The following PTPRD variants were observed in gnomAD, a reference collection of about 807,000 sequenced individuals.
The protein encoded by PTPRD is protein tyrosine phosphatase receptor type D.
Under a neutral mutation model 214.5 loss-of-function variants are expected in PTPRD, and 34 were observed. The ratio of observed to expected loss-of-function variants is 0.16; its 90% confidence interval spans 0.12 to 0.21. PTPRD has a LOEUF of 0.21. PTPRD is among the 10% of genes least tolerant of loss of function. The pLI is 1.00. For synonymous variants in PTPRD, 1,128 were observed against 845.7 expected (o/e 1.33, Z -5.79); for missense variants, 2,545 against 2,398.7 (o/e 1.06, Z -1.27).
At chr9:9,164,691 A>C (rs896675007) in intron 10 of PTPRD, among the ~76,000 whole-genome samples, 1 of 152,106 alleles carries the variant, frequency 6.6e-6, no homozygotes, top group African/African-American at 2.4e-5. Context: ...GAAGAAATAC[A>C]AAGTCCTAGA....
At chr9:8,943,011 A>G (rs2099042905) in intron 11 of PTPRD, among the ~76,000 whole-genome samples, 1 of 152,190 alleles carries the variant, frequency 6.6e-6, no homozygotes, top group Non-Finnish European at 1.5e-5. Flanking sequence ...AATAATCTGA[A>G]AAAGAAATCA....
chr9:8,641,368 CATTATTTAG>C (rs1043593851), intron 12 of PTPRD, among the ~76,000 whole-genome samples: 22 of 148,286 alleles, frequency 1.5e-4, no homozygotes, highest in Admixed American at 1.1e-3. Flanking sequence ...TTCCAGTCAC[CATTATTTAG>C]AGAGGCATCC....
chr9:10,047,312 CTGTGTGTGTGTGTGTG>C (rs56257525), intron 3 of PTPRD, among the ~76,000 whole-genome samples: 1 of 138,718 alleles, frequency 7.2e-6, no homozygotes, highest in African/African-American at 2.7e-5. Flanking sequence ...AATCAACTAA[CTGTGTGTGTGTGTGTG>C]TGTGTGTGTG....
chr9:8,415,993 C>T (rs2131309209), intron 35 of PTPRD, among the ~76,000 whole-genome samples: 1 of 152,252 alleles, frequency 6.6e-6, no homozygotes, highest in African/African-American at 2.4e-5. Flanking sequence ...CAATTCACCC[C>T]ACTGTGAAGT....
chr9:9,660,549 T>G (rs182243091), intron 7 of PTPRD, among the ~76,000 whole-genome samples: 39 of 152,128 alleles, frequency 2.6e-4, no homozygotes, highest in African/African-American at 9.4e-4. Flanking sequence ...AAAGTAAATA[T>G]GTAACTCTAT....
intron 10 of PTPRD, among the ~76,000 whole-genome samples, chr9:9,131,357 A>G (rs2099842317): frequency 2.0e-5 from 3 of 152,196 alleles, no homozygotes; most frequent in African/African-American, 7.2e-5. Context: ...CTATGACTAG[A>G]AACAATGGAC....
At chr9:9,458,091 G>C (rs989995363) in intron 8 of PTPRD, among the ~76,000 whole-genome samples, 27 of 151,936 alleles carry the variant, frequency 1.8e-4, no homozygotes, top group African/African-American at 6.5e-4. Context: ...ATTTTCTTTA[G>C]AATGTTAAGA....
intron 3 of PTPRD, among the ~76,000 whole-genome samples, chr9:10,326,774 T>C (rs1047152900): frequency 3.3e-5 from 5 of 151,544 alleles, no homozygotes; most frequent in African/African-American, 1.2e-4. Flanking sequence ...TATTTCTAAA[T>C]AGAAAAAGGG....
chr9:8,484,098 C>G (rs1298526706), intron 30 of PTPRD, 21 bp downstream of exon 30: 8 of 1,608,018 alleles, frequency 5.0e-6, no homozygotes, highest in Admixed American at 3.3e-5. Flanking sequence ...TCCTTCAGCC[C>G]TAAGCCTTCA....
At chr9:10,180,508 G>A (rs763441333) in intron 3 of PTPRD, among the ~76,000 whole-genome samples, 27 of 149,542 alleles carry the variant, frequency 1.8e-4, no homozygotes, top group Admixed American at 5.4e-4. Context: ...CTTCTCAAGA[G>A]AGTCCATCTA....
chr9:8,551,331 AAAGTTTTCAT>A (rs572357729), intron 14 of PTPRD, among the ~76,000 whole-genome samples: 2 of 152,320 alleles, frequency 1.3e-5, no homozygotes, highest in Admixed American at 1.3e-4. Flanking sequence ...ATTTAATATG[AAAGTTTTCAT>A]AATTTAAACC....
At chr9:8,433,990 T>G (rs1025885523) in intron 35 of PTPRD, among the ~76,000 whole-genome samples, 2 of 149,928 alleles carry the variant, frequency 1.3e-5, no homozygotes, top group Non-Finnish European at 2.9e-5. Context: ...TTTGTTTGCT[T>G]GTTTGTTTGT....
chr9:9,922,962 A>G (rs2083014558), intron 5 of PTPRD, among the ~76,000 whole-genome samples: 1 of 148,782 alleles, frequency 6.7e-6, no homozygotes, highest in Non-Finnish European at 1.5e-5. Flanking sequence ...TTCTAATTCT[A>G]TCAAAGTATT....
chr9:8,908,914 T>G (rs565799329), intron 11 of PTPRD, among the ~76,000 whole-genome samples: 1 of 150,866 alleles, frequency 6.6e-6, no homozygotes, highest in African/African-American at 2.4e-5. Context: ...AGCCTCATAA[T>G]TAAAAGGCTC....
chr9:9,672,708 A>G (rs1594852089), intron 7 of PTPRD, among the ~76,000 whole-genome samples: 1 of 152,222 alleles, frequency 6.6e-6, no homozygotes, highest in South Asian at 2.1e-4. Flanking sequence ...ACAGGGAGTT[A>G]TTATCCACCC....
intron 12 of PTPRD, among the ~76,000 whole-genome samples, chr9:8,651,255 C>A (rs1344083263): frequency 2.0e-5 from 3 of 152,102 alleles, no homozygotes; most frequent in Non-Finnish European, 2.9e-5. Flanking sequence ...AGTGGCCCCG[C>A]CCATTCACAA....
At chr9:10,420,483 A>G (rs147094744) in intron 2 of PTPRD, among the ~76,000 whole-genome samples, 21 of 151,990 alleles carry the variant, frequency 1.4e-4, no homozygotes, top group Non-Finnish European at 2.1e-4. Flanking sequence ...GAAGGGGGAA[A>G]TAATCTCTTG....
chr9:8,461,881 C>T (rs940812577), intron 32 of PTPRD, among the ~76,000 whole-genome samples: 2 of 151,936 alleles, frequency 1.3e-5, no homozygotes, highest in African/African-American at 4.8e-5. Flanking sequence ...AACTCCTGGT[C>T]TCAAACAATC....
chr9:9,348,482 G>T (rs1157573486), intron 9 of PTPRD, among the ~76,000 whole-genome samples: 2 of 152,088 alleles, frequency 1.3e-5, no homozygotes, highest in African/African-American at 4.8e-5. Context: ...AAAGGACTTG[G>T]TGATTGAAAG....
Sources: allele counts gnomAD v4.1 joint callset (sites outside exome capture counted in the v4.1 genomes callset), GRCh38; gene constraint gnomAD v4.1.1; transcripts MANE v1.5; gene names NCBI Gene and HGNC (gene_info 2026-07-23, HGNC 2026-07-21).